Variants in HEPHL1 observed in about 807,000 individuals in gnomAD.
HEPHL1 encodes the protein ferroxidase HEPHL1.
In HEPHL1, 123 loss-of-function variants were observed where a neutral mutation model predicts 122.0. The observed-to-expected ratio is 1.01, with a 90% confidence interval of 0.87 to 1.17. HEPHL1 has a LOEUF of 1.17. HEPHL1 is among the 50% of genes most tolerant of loss of function. The pLI is 0.00. For synonymous variants in HEPHL1, 527 were observed against 508.9 expected, an observed-to-expected ratio of 1.04 and a Z score of -0.48; for missense variants, 1,452 against 1,430.5, an observed-to-expected ratio of 1.01 and a Z score of -0.24.
rs183055770 is a variant in HEPHL1, at chr11:94,101,298, T to G, written c.2538T>G (p.Asp846Glu). Reference sequence around the variant, plus strand: ...CAGCCCAGGGTGTGGAGGAGATGGATAGTGGAAAGCAATTCCAAGTGCCCA... The same window carrying G: ...CAGCCCAGGGTGTGGAGGAGATGGAGAGTGGAAAGCAATTCCAAGTGCCCA... ...SISAQGVEEM[D>E]SGKQFQVPMT... The change falls in exon 14 of 20, where the codon GAT becomes GAG. Residue 846 changes from aspartate (D) to glutamate (E), a missense_variant. Asp to Glu is a conservative substitution (Grantham distance 45). Coordinates refer to ENST00000315765, the MANE Select transcript of HEPHL1 (RefSeq NM_001098672.2). The G allele has an allele frequency of 6.2e-7, 1 of 1,613,780 alleles. No homozygotes were observed. The highest frequency in any genetic ancestry group is 1.3e-5 in the African/African-American group (1 of 75,042).
intron 1 of HEPHL1, among the ~76,000 whole-genome samples, chr11:94,030,960 A>T (rs990522056): frequency 1.3e-5 from 2 of 152,176 alleles, no homozygotes; most frequent in East Asian, 3.9e-4. Context: ...GATAGTGAGC[A>T]GATGCCATGC....
At position 94,088,979 on chromosome 11, in the gene HEPHL1, C is replaced by T. The variant is rs766507988; in HGVS notation, c.2294+11C>T. The T allele has an allele frequency of 1.3e-5, 21 of 1,612,782 alleles. No individual in the cohort carries two copies. Among genetic ancestry groups the T allele is most frequent in the Non-Finnish European group, 1.8e-5 (21 of 1,178,828 alleles). ...CGCAAGAGGGGAAAGGTACCACAGG[C>T]GCCGCCGCTAGGGCTCCTCGGTGGG... On this transcript the variant is annotated intron_variant, in intron 12 of 19. Coordinates refer to ENST00000315765, the MANE Select transcript of HEPHL1 (RefSeq NM_001098672.2).
chr11:94,051,231 G>C (rs1945887533), intron 2 of HEPHL1, among the ~76,000 whole-genome samples: 1 of 152,078 alleles, frequency 6.6e-6, no homozygotes, highest in African/African-American at 2.4e-5. Flanking sequence ...ATTTCAAACT[G>C]CTCTCCCTAG....
intron 2 of HEPHL1, among the ~76,000 whole-genome samples, chr11:94,050,493 G>C (rs1945880336): frequency 6.6e-6 from 1 of 152,032 alleles, no homozygotes; most frequent in Admixed American, 6.5e-5. Flanking sequence ...CTTTTTATCA[G>C]ATTGAGAAAG....
In HEPHL1 at chr11:94,113,143, A is replaced by G. The variant is rs1429587773; in HGVS notation, c.*1249A>G. 6.6e-6 allele frequency: 1 copy of G among 152,110 alleles called. No homozygotes were observed. Among genetic ancestry groups the G allele is most frequent in the African/African-American group, 2.4e-5 (1 of 41,412 alleles). The allele number at this position is 152,110 out of a possible 1,614,324, so 9.4% of individuals were successfully genotyped here. On this transcript the variant is annotated 3_prime_UTR_variant, in exon 20 of 20. Coordinates refer to ENST00000315765, the MANE Select transcript of HEPHL1 (RefSeq NM_001098672.2). ...ACTAAACTCAACCCATTATGAGGCA[A>G]TCTACACTGTCCATACCTATGCTTA... is the stretch of plus-strand genomic sequence containing the variant.
intron 10 of HEPHL1, among the ~76,000 whole-genome samples, chr11:94,085,450 C>T (rs1312998900): frequency 2.0e-5 from 3 of 152,176 alleles, no homozygotes; most frequent in Non-Finnish European, 2.9e-5. Flanking sequence ...AATCCTTCTC[C>T]ACTAACTGCA....
At chr11:94,096,288 T>C (rs567156857) in intron 13 of HEPHL1, among the ~76,000 whole-genome samples, 1 of 152,228 alleles carries the variant, frequency 6.6e-6, no homozygotes, top group African/African-American at 2.4e-5. Context: ...CACGTGGTTT[T>C]TGTCTTTGGT....
At chr11:94,037,994 A>G (rs1221993038) in intron 1 of HEPHL1, among the ~76,000 whole-genome samples, 1 of 147,872 alleles carries the variant, frequency 6.8e-6, no homozygotes, top group East Asian at 2.0e-4. Context: ...AGAATGTATA[A>G]CTAGAATAAC....
intron 1 of HEPHL1, among the ~76,000 whole-genome samples, chr11:94,025,428 G>T (rs569139107): frequency 6.6e-6 from 1 of 152,094 alleles, no homozygotes; most frequent in African/African-American, 2.4e-5. Flanking sequence ...ATCCTTAATG[G>T]AAGTAGGGTG....
At chr11:94,073,885 A>C (rs1486517274) in intron 8 of HEPHL1, among the ~76,000 whole-genome samples, 1 of 152,134 alleles carries the variant, frequency 6.6e-6, no homozygotes, top group Non-Finnish European at 1.5e-5. Context: ...CTCTGTATCA[A>C]ATCAACAAAT....
chr11:94,064,555 C>T, intron 4 of HEPHL1, 45 bp downstream of exon 4: 1 of 1,288,132 alleles, frequency 7.8e-7, no homozygotes, highest in Non-Finnish European at 1.1e-6. Context: ...GCCTTTTATA[C>T]TATAAGGTAC....
chr11:94,045,315 C>T (rs1945824395), intron 1 of HEPHL1, among the ~76,000 whole-genome samples: 2 of 152,342 alleles, frequency 1.3e-5, no homozygotes, highest in African/African-American at 4.8e-5. Context: ...CTTTTGTACA[C>T]CATCTAGTCA....
rs182720640 is a variant in HEPHL1, at chr11:94,082,572, T to C, written c.1867+4T>C. 1.8e-3 allele frequency: 2,870 copies of C among 1,600,312 alleles called. 19 individuals are homozygous for C. Among genetic ancestry groups the C allele is most frequent in the Non-Finnish European group, 1.0e-3 (1,216 of 1,172,092 alleles). ...GTGAAATCCAACCGAATGCATGGTATGACAAATGACATTCCCGCCTGTAAA... is the reference window on the plus strand; with the variant it reads ...GTGAAATCCAACCGAATGCATGGTACGACAAATGACATTCCCGCCTGTAAA... On this transcript the variant is annotated splice_donor_region_variant and intron_variant, in intron 10 of 19. Transcript: ENST00000315765.
chr11:94,058,769 T>C (rs1486331222), intron 2 of HEPHL1, among the ~76,000 whole-genome samples: 2 of 152,146 alleles, frequency 1.3e-5, no homozygotes, highest in South Asian at 2.1e-4. Flanking sequence ...TCTCGCTATG[T>C]TGCCTAGACT....
At position 94,056,657 on chromosome 11, in the gene HEPHL1, T is replaced by TATCTATCTATCTATC. The variant is rs3060401; in HGVS notation, c.416-6851_416-6850insATCTATCTATCTATC. ...TCCCCCTCCTTTGTGCTATTATTGA[T>TATCTATCTATCTATC]TATCTATCTATCTATCTATCTATCT... On this transcript the variant is annotated intron_variant, in intron 2 of 19. Coordinates refer to ENST00000315765, the MANE Select transcript of HEPHL1 (RefSeq NM_001098672.2). Among the ~76,000 whole-genome samples, 916 of 111,894 alleles carry TATCTATCTATCTATC rather than the reference T, an allele frequency of 8.2e-3. 7 individuals carry two copies. The highest frequency in any genetic ancestry group is 0.012 in the Admixed American group (143 of 11,892). 73.4% of individuals were successfully genotyped at this position (111,894 alleles called of 152,430 possible). A position where few individuals can be genotyped will look rare whatever the true frequency, so the allele number is the denominator to read the frequency against.
intron 10 of HEPHL1, among the ~76,000 whole-genome samples, chr11:94,083,068 G>C (rs1351014253): frequency 2.1e-5 from 3 of 145,056 alleles, no homozygotes; most frequent in South Asian, 2.2e-4. Flanking sequence ...CTGGGCGACA[G>C]AGTGAGACTC....
At chr11:94,023,776 G>T (rs1945601416) in intron 1 of HEPHL1, among the ~76,000 whole-genome samples, 1 of 152,182 alleles carries the variant, frequency 6.6e-6, no homozygotes, top group African/African-American at 2.4e-5. Context: ...CCTCTTGGAA[G>T]GGAAATCCAG....
intron 2 of HEPHL1, among the ~76,000 whole-genome samples, chr11:94,049,324 CAAA>C (rs1945869395): frequency 6.6e-6 from 1 of 151,796 alleles, no homozygotes; most frequent in Admixed American, 6.6e-5. Context: ...GTACCCCCTC[CAAA>C]CCCAAAAAAC....
intron 16 of HEPHL1, among the ~76,000 whole-genome samples, chr11:94,105,290 T>G (rs1946399447): frequency 6.6e-6 from 1 of 152,246 alleles, no homozygotes; most frequent in Non-Finnish European, 1.5e-5. Flanking sequence ...GTCACAAAGC[T>G]ACTTGTTAAT....
Sources: allele counts gnomAD v4.1 joint callset (sites outside exome capture counted in the v4.1 genomes callset), GRCh38; gene constraint gnomAD v4.1.1; transcripts MANE v1.5; gene names NCBI Gene and HGNC (gene_info 2026-07-23, HGNC 2026-07-21).